The following NEK1 variants were observed in gnomAD, a reference collection of about 807,000 sequenced individuals.
NEK1 encodes serine/threonine-protein kinase Nek1.
NEK1 carries 137 observed loss-of-function variants against 182.1 expected under a neutral mutation model. That is an observed-to-expected ratio of 0.75 (90% CI 0.65 to 0.87). The LOEUF is 0.87. NEK1 is among the 40% of genes least tolerant of loss of function. The probability of loss-of-function intolerance (pLI) is 0.00; values close to 1 mark genes in which losing one functional copy is unlikely to be tolerated. For synonymous variants in NEK1, 513 were observed against 492.2 expected, an observed-to-expected ratio of 1.04 and a Z score of -0.56; for missense variants, 1,391 against 1,494.4, an observed-to-expected ratio of 0.93 and a Z score of 1.14.
chr4:169,494,340 C>CAT (rs1325383989), intron 23 of NEK1, among the ~76,000 whole-genome samples: 3 of 152,074 alleles, frequency 2.0e-5, no homozygotes, highest in African/African-American at 7.2e-5. Context: ...TGAGTGAGAA[C>CAT]ATGCAGTGTT....
intron 19 of NEK1, among the ~76,000 whole-genome samples, chr4:169,536,158 G>A (rs968064907): frequency 6.6e-6 from 1 of 151,700 alleles, no homozygotes; most frequent in Admixed American, 6.6e-5. Context: ...TTAGATGGGC[G>A]TGGTGGTACA....
rs1396927412 is a variant in NEK1, at chr4:169,438,133, A to C, written c.2714T>G (p.Phe905Cys). Residue 905 changes from phenylalanine to cysteine, a missense_variant, in exon 28 of 36, where the codon TTC (phenylalanine) becomes TGC (cysteine). Around this residue, in one of 5 missense-constraint regions of NEK1, gnomAD observed 1,216 missense variants for 1,277.6 expected, o/e 0.95. Coordinates refer to ENST00000507142, the MANE Select transcript of NEK1 (RefSeq NM_001199397.3). ...TGACATCTGTGGAGATGCCTCACTGAACTCGGGACTTTTTGTCTCAACAGG... is the reference window on the plus strand; with the variant it reads ...TGACATCTGTGGAGATGCCTCACTGCACTCGGGACTTTTTGTCTCAACAGG... ...DSPVETKSPE[F>C]SEASPQMSLK... 3.7e-6 allele frequency: 6 copies of C among 1,612,042 alleles called. No individual in the cohort carries two copies. Among genetic ancestry groups the C allele is most frequent in the Non-Finnish European group, 5.1e-6 (6 of 1,179,108 alleles).
chr4:169,437,737 G>A (rs951325337), intron 28 of NEK1, among the ~76,000 whole-genome samples: 1 of 152,180 alleles, frequency 6.6e-6, no homozygotes, highest in African/African-American at 2.4e-5. Context: ...TAGCAGTGAA[G>A]CTTTTTGGGA....
At chr4:169,495,464 G>A (rs1219025883) in intron 23 of NEK1, among the ~76,000 whole-genome samples, 4 of 151,882 alleles carry the variant, frequency 2.6e-5, no homozygotes, top group Admixed American at 6.6e-5. Context: ...GGATGGTCTC[G>A]ATCTCCTGAC....
chr4:169,515,042 GT>G (rs1156360360), intron 19 of NEK1, among the ~76,000 whole-genome samples: 1 of 152,010 alleles, frequency 6.6e-6, no homozygotes, highest in African/African-American at 2.4e-5. Context: ...TTTCCATTCT[GT>G]TCTATGTACA....
intron 6 of NEK1, 59 bp from the exon 7 acceptor site, chr4:169,589,573 C>G (rs1581003523): frequency 9.7e-7 from 1 of 1,028,620 alleles, no homozygotes; most frequent in Non-Finnish European, 1.4e-6. Context: ...AGTTCTAAGT[C>G]AACATTTTTC....
At chr4:169,507,246 G>A in intron 22 of NEK1, 114 bp from the exon 23 acceptor site, 1 of 610,400 alleles carries the variant, frequency 1.6e-6, no homozygotes, top group Non-Finnish European at 2.6e-6. Context: ...AAAAAGAAGT[G>A]TGCATGTGGT....
At chr4:169,405,201 T>C (rs182598542) in intron 32 of NEK1, among the ~76,000 whole-genome samples, 17 of 152,328 alleles carry the variant, frequency 1.1e-4, no homozygotes, top group African/African-American at 4.1e-4. Flanking sequence ...TACACAAACC[T>C]AGTCAGTATA....
At chr4:169,461,039 C>T (rs1202146050) in intron 27 of NEK1, among the ~76,000 whole-genome samples, 2 of 152,138 alleles carry the variant, frequency 1.3e-5, no homozygotes, top group African/African-American at 2.4e-5. Context: ...TTATGTTTCT[C>T]ATTTAATACA....
intron 6 of NEK1, 112 bp downstream of exon 6, chr4:169,590,614 C>CA (rs1768303194): frequency 3.1e-6 from 2 of 636,188 alleles, no homozygotes; most frequent in Non-Finnish European, 5.5e-6. Context: ...AAGGAAGAGA[C>CA]AAGACAGATA....
At chr4:169,450,784 C>G (rs1395036058) in intron 27 of NEK1, among the ~76,000 whole-genome samples, 1 of 152,164 alleles carries the variant, frequency 6.6e-6, no homozygotes, top group Non-Finnish European at 1.5e-5. Flanking sequence ...ATCATAATGA[C>G]AGGATCAAAT....
intron 22 of NEK1, among the ~76,000 whole-genome samples, chr4:169,507,383 T>A (rs1285257035): frequency 1.3e-5 from 2 of 152,024 alleles, no homozygotes; most frequent in African/African-American, 4.8e-5. Context: ...GTGAAAAAAA[T>A]GTAAAAATTT....
chr4:169,424,864 G>T, intron 30 of NEK1, 64 bp from the exon 31 acceptor site: 1 of 1,452,040 alleles, frequency 6.9e-7, no homozygotes, highest in South Asian at 1.7e-5. Context: ...AAATGATATT[G>T]ATAAGGCACA....
rs1019619415 is a variant in NEK1, at chr4:169,400,605, G to C, written c.3630C>G (p.Val1210=). 10 of 1,605,484 alleles carry C rather than the reference G, an allele frequency of 6.2e-6. No individual in the cohort carries two copies. The highest frequency in any genetic ancestry group is 8.5e-6 in the Non-Finnish European group (10 of 1,175,720). Reference sequence around the variant, plus strand: ...GTCTCAGTTCCTCTAAATGGTTAAAGACACTATCGCATTCACATTCACTAG... The same window carrying C: ...GTCTCAGTTCCTCTAAATGGTTAAACACACTATCGCATTCACATTCACTAG... The part of the protein sequence containing the change: ...EIASECECDS[V]FNHLEELRLH... Residue 1210 remains valine, a synonymous_variant, in exon 34 of 36, where the codon GTC becomes GTG. Transcript: ENST00000507142.
intron 16 of NEK1, among the ~76,000 whole-genome samples, chr4:169,558,471 G>C (rs1020134198): frequency 1.3e-5 from 2 of 152,064 alleles, no homozygotes; most frequent in East Asian, 3.8e-4. Flanking sequence ...TCTGCTTTCC[G>C]TCACTACAGG....
At chr4:169,501,664 T>C (rs1177791906) in intron 23 of NEK1, among the ~76,000 whole-genome samples, 1 of 151,922 alleles carries the variant, frequency 6.6e-6, no homozygotes, top group Non-Finnish European at 1.5e-5. Context: ...TGGAAAACAA[T>C]AAAATTAAGG....
Position 169,585,339 on chromosome 4 carries a change from A to G in NEK1, c.807+10T>C. 2 of 1,608,240 alleles carry G rather than the reference A, an allele frequency of 1.2e-6. No individual in the cohort carries two copies. The highest frequency in any genetic ancestry group is 1.7e-6 in the Non-Finnish European group (2 of 1,176,514). On this transcript the variant is annotated intron_variant, in intron 10 of 35. Transcript: ENST00000507142. The stretch of plus-strand genomic sequence containing the variant: ...CCCTACTGTTTAATTTTAAAGGAAA[A>G]AGAACTTACCTGAGGAGAGAGAAAC...
intron 35 of NEK1, among the ~76,000 whole-genome samples, chr4:169,396,531 G>T (rs781256984): frequency 2.0e-5 from 3 of 151,936 alleles, no homozygotes; most frequent in Non-Finnish European, 4.4e-5. Context: ...CTATCAAATC[G>T]CTTACACATT....
intron 2 of NEK1, among the ~76,000 whole-genome samples, chr4:169,603,405 A>G (rs1314466023): frequency 1.3e-5 from 2 of 152,254 alleles, no homozygotes; most frequent in Non-Finnish European, 2.9e-5. Context: ...AACACTAAAA[A>G]GTTTAAATCT....
Sources: allele counts gnomAD v4.1 joint callset (sites outside exome capture counted in the v4.1 genomes callset), GRCh38; gene constraint gnomAD v4.1.1; regional missense constraint gnomAD v4.1.1; transcripts MANE v1.5; gene names NCBI Gene and HGNC (gene_info 2026-07-23, HGNC 2026-07-21).